Variants in NCKAP5 observed in about 807,000 individuals in gnomAD.
The protein encoded by NCKAP5 is NCK associated protein 5, also known as nck-associated protein 5.
In NCKAP5, 92 loss-of-function variants were observed where a neutral mutation model predicts 167.0. The observed-to-expected ratio is 0.55, with a 90% CI of 0.47 to 0.66. The LOEUF is 0.66. Among genes scored for constraint, NCKAP5 ranks in the 30% least tolerant of loss-of-function variants. NCKAP5 has a pLI of 0.00. For missense variants in NCKAP5, 2,378 were observed against 2,315.0 expected (o/e 1.03, Z -0.56); for synonymous variants, 891 against 877.4 (o/e 1.02, Z -0.27).
intron 3 of NCKAP5, among the ~76,000 whole-genome samples, chr2:133,413,683 T>C (rs1316347784): frequency 6.6e-6 from 1 of 152,152 alleles, no homozygotes; most frequent in East Asian, 1.9e-4. Flanking sequence ...CCAGCTTCTC[T>C]TGAGAAGTTG....
chr2:133,163,822 T>C (rs191971525), intron 5 of NCKAP5, among the ~76,000 whole-genome samples: 12 of 152,324 alleles, frequency 7.9e-5, no homozygotes, highest in Admixed American at 1.3e-4. Flanking sequence ...CAAGTAGTAA[T>C]TGTATGAGAT....
the NCKAP5 span, among the ~76,000 whole-genome samples, chr2:133,644,637 G>A: frequency 6.6e-6 from 1 of 152,090 alleles, no homozygotes; most frequent in African/African-American, 2.4e-5. Context: ...AACAGTGCCA[G>A]GTAATATCCT....
intron 19 of NCKAP5, among the ~76,000 whole-genome samples, chr2:132,683,888 C>A (rs1370078872): frequency 6.6e-6 from 1 of 152,236 alleles, no homozygotes; most frequent in East Asian, 1.9e-4. Flanking sequence ...GAGTGATAAA[C>A]CTACAAATAT....
chr2:133,366,248 T>G (rs1172637803), intron 3 of NCKAP5, among the ~76,000 whole-genome samples: 1 of 152,258 alleles, frequency 6.6e-6, no homozygotes, highest in Non-Finnish European at 1.5e-5. Context: ...AAGTCAGATG[T>G]TGATTAGATC....
intron 5 of NCKAP5, among the ~76,000 whole-genome samples, chr2:133,149,161 T>C (rs1400678927): frequency 6.6e-6 from 1 of 152,202 alleles, no homozygotes; most frequent in Non-Finnish European, 1.5e-5. Flanking sequence ...ATTAGCCTTC[T>C]GTTAACAGAC....
chr2:133,097,719 A>C (rs1168101611), intron 6 of NCKAP5, among the ~76,000 whole-genome samples: 1 of 152,180 alleles, frequency 6.6e-6, no homozygotes, highest in Admixed American at 6.5e-5. Context: ...GTGTGGCCAC[A>C]TGTGTCTGAT....
At chr2:133,459,366 G>A (rs1293703085) in intron 3 of NCKAP5, among the ~76,000 whole-genome samples, 1 of 152,080 alleles carries the variant, frequency 6.6e-6, no homozygotes, top group African/African-American at 2.4e-5. Flanking sequence ...CTTCAGCAAA[G>A]CCCAAGACTT....
chr2:133,651,939 T>A, the NCKAP5 span, among the ~76,000 whole-genome samples: 2 of 152,102 alleles, frequency 1.3e-5, no homozygotes, highest in Non-Finnish European at 2.9e-5. Flanking sequence ...TGCACCTCCC[T>A]CCCCGTCTTA....
intron 4 of NCKAP5, among the ~76,000 whole-genome samples, chr2:133,270,514 C>T (rs764704781): frequency 6.6e-6 from 1 of 152,150 alleles, no homozygotes; most frequent in Non-Finnish European, 1.5e-5. Flanking sequence ...TGAATAGGGT[C>T]TGGAGGCAGA....
At chr2:133,397,292 CTT>C (rs1320961432) in intron 3 of NCKAP5, among the ~76,000 whole-genome samples, 2 of 152,196 alleles carry the variant, frequency 1.3e-5, no homozygotes, top group East Asian at 3.8e-4. Flanking sequence ...CTTATGGCCT[CTT>C]TTCATGTTTG....
At chr2:133,436,313 G>A (rs1313937257) in intron 3 of NCKAP5, among the ~76,000 whole-genome samples, 2 of 152,150 alleles carry the variant, frequency 1.3e-5, no homozygotes, top group East Asian at 1.9e-4. Context: ...ATGGAATAGA[G>A]ACCAGGCATC....
chr2:133,268,759 C>T (rs552180987), intron 4 of NCKAP5, among the ~76,000 whole-genome samples: 1 of 152,244 alleles, frequency 6.6e-6, no homozygotes, highest in East Asian at 1.9e-4. Flanking sequence ...CGTGAGCCAC[C>T]GCACCCGGCC....
At chr2:133,122,408 G>T (rs1409572256) in intron 6 of NCKAP5, 1 of 152,096 alleles carries the variant, frequency 6.6e-6, no homozygotes, top group Non-Finnish European at 1.5e-5. Flanking sequence ...TAAATCATTG[G>T]TATTTTTATT....
intron 6 of NCKAP5, among the ~76,000 whole-genome samples, chr2:133,056,954 T>C (rs2079825900): frequency 6.6e-6 from 1 of 152,234 alleles, no homozygotes. Context: ...TAGCACTATT[T>C]TTCCAACAGC....
chr2:132,737,505 TG>T (rs934870347), intron 16 of NCKAP5, among the ~76,000 whole-genome samples: 2 of 152,280 alleles, frequency 1.3e-5, no homozygotes, highest in African/African-American at 4.8e-5. Context: ...TGGTTCCTTG[TG>T]GGATGGTGGC....
chr2:133,352,558 G>T (rs543273082), intron 3 of NCKAP5, among the ~76,000 whole-genome samples: 1 of 152,198 alleles, frequency 6.6e-6, no homozygotes, highest in South Asian at 2.1e-4. Context: ...ATTAGCTGGG[G>T]TGGGCTATCT....
chr2:132,738,102 G>A (rs1288792525), intron 16 of NCKAP5, among the ~76,000 whole-genome samples: 1 of 151,002 alleles, frequency 6.6e-6, no homozygotes, highest in Non-Finnish European at 1.5e-5. Flanking sequence ...TTTTTGCTCT[G>A]ACTTTAGCAA....
intron 5 of NCKAP5, among the ~76,000 whole-genome samples, chr2:133,191,518 T>G (rs551879230): frequency 5.3e-5 from 8 of 152,190 alleles, no homozygotes; most frequent in African/African-American, 1.9e-4. Flanking sequence ...GGAACCAACC[T>G]AAATGTCCAT....
At chr2:133,194,209 A>G (rs2085344307) in intron 5 of NCKAP5, among the ~76,000 whole-genome samples, 1 of 152,106 alleles carries the variant, frequency 6.6e-6, no homozygotes, top group African/African-American at 2.4e-5. Flanking sequence ...AAAAGGGTTT[A>G]AAAGTGGTTA....
Sources: gnomAD v4.1 joint callset for allele counts (sites outside exome capture counted in the v4.1 genomes callset) on GRCh38, gnomAD v4.1.1 for gene constraint, MANE v1.5 for transcripts, NCBI Gene and HGNC (gene_info 2026-07-23, HGNC 2026-07-21) for gene names.